The following PLPPR5 variants were observed in gnomAD, a reference collection of about 807,000 sequenced individuals.
PLPPR5 encodes phospholipid phosphatase related 5, also known as phospholipid phosphatase-related protein type 5.
In PLPPR5, 16 loss-of-function variants were observed where a neutral mutation model predicts 33.9. The observed-to-expected ratio is 0.47, with a 90% CI of 0.32 to 0.72. The LOEUF (loss-of-function observed/expected upper bound fraction) is 0.72. Among genes scored for constraint, PLPPR5 ranks in the 30% least tolerant of loss-of-function variants. The probability of loss-of-function intolerance (pLI) is 0.03; values close to 1 mark genes in which losing one functional copy is unlikely to be tolerated. For missense variants in PLPPR5, 301 were observed against 406.7 expected, an observed-to-expected ratio of 0.74 and a Z score of 2.23; for synonymous variants, 163 against 150.3, an observed-to-expected ratio of 1.08 and a Z score of -0.62.
At chr1:98,927,088 A>G (rs1649797459) in intron 3 of PLPPR5, among the ~76,000 whole-genome samples, 1 of 152,202 alleles carries the variant, frequency 6.6e-6, no homozygotes, top group Non-Finnish European at 1.5e-5. Context: ...TAATGGTGGT[A>G]CAATAAGCAG....
chr1:98,913,165 TG>T lies in PLPPR5; in HGVS notation c.933+1620del, dbSNP rs1185597986. On this transcript the variant is annotated intron_variant, in intron 5 of 5. Transcript: ENST00000263177. ...CATACAAGAGCCCTTCAGATTCTTATGGGAAGCTATTGCTTCTTTCATGAGT... is the reference window on the plus strand; with the variant it reads ...CATACAAGAGCCCTTCAGATTCTTATGGAAGCTATTGCTTCTTTCATGAGT... 3.9e-5 allele frequency among the ~76,000 whole-genome samples: 6 copies of T among 152,224 alleles called. No individual in the cohort carries two copies. The East Asian group carries it at 9.6e-4, about 24-fold the overall frequency.
chr1:98,997,655 G>GA (rs929033199), intron 1 of PLPPR5, among the ~76,000 whole-genome samples: 91 of 152,106 alleles, frequency 6.0e-4, no homozygotes, highest in African/African-American at 2.1e-3. Flanking sequence ...GGAAAATCAG[G>GA]AAAAAAAGTA....
chr1:98,936,006 A>G (rs970812109), intron 3 of PLPPR5, among the ~76,000 whole-genome samples: 2 of 152,176 alleles, frequency 1.3e-5, no homozygotes, highest in African/African-American at 4.8e-5. Context: ...AATGGAATGA[A>G]GTAGTTCTGA....
intron 1 of PLPPR5, among the ~76,000 whole-genome samples, chr1:98,998,357 T>A (rs186800684): frequency 6.6e-6 from 1 of 152,292 alleles, no homozygotes; most frequent in East Asian, 1.9e-4. Flanking sequence ...CTTATAGCAC[T>A]GTAGTAGTGT....
intron 1 of PLPPR5, among the ~76,000 whole-genome samples, chr1:98,972,368 G>T (rs988441375): frequency 1.4e-4 from 21 of 152,054 alleles, no homozygotes; most frequent in African/African-American, 5.1e-4. Flanking sequence ...AACACAGTTT[G>T]CTGGCCAGCA....
intron 5 of PLPPR5, among the ~76,000 whole-genome samples, chr1:98,908,399 G>A (rs1307160462): frequency 6.6e-6 from 1 of 152,114 alleles, no homozygotes; most frequent in Admixed American, 6.6e-5. Context: ...TAATATAGGA[G>A]TGTAAAAGTA....
chr1:98,922,170 A>T (rs1570699825), intron 3 of PLPPR5, 112 bp from the exon 4 acceptor site: 1 of 924,336 alleles, frequency 1.1e-6, no homozygotes. Context: ...CGCCTGTATG[A>T]TTCAAATCAT....
At chr1:98,912,362 C>T (rs1366404400) in intron 5 of PLPPR5, among the ~76,000 whole-genome samples, 2 of 152,194 alleles carry the variant, frequency 1.3e-5, no homozygotes, top group African/African-American at 4.8e-5. Context: ...AAGTAGTTCA[C>T]TTCTTTCTCA....
intron 2 of PLPPR5, among the ~76,000 whole-genome samples, chr1:98,955,707 C>A (rs1650980415): frequency 2.0e-5 from 3 of 152,110 alleles, no homozygotes; most frequent in African/African-American, 7.2e-5. Context: ...AGTCTTCATC[C>A]TGAATCCTTC....
At position 98,892,811 on chromosome 1, in the gene PLPPR5, G is replaced by A. The variant is rs1648323984; in HGVS notation, c.*261C>T. On this transcript the variant is annotated 3_prime_UTR_variant, in exon 6 of 6. Coordinates refer to ENST00000263177, the MANE Select transcript of PLPPR5 (RefSeq NM_001037317.2). ...TTTATTTAAGAATTTTGTTCATTTG[G>A]TCATCACATTTTTGTTGAACACCTA... 2.9e-6 allele frequency: 1 copy of A among 347,794 alleles called. No homozygotes were observed. The highest frequency in any genetic ancestry group is 5.1e-6 in the Non-Finnish European group (1 of 194,388). The allele number at this position is 347,794 out of a possible 1,614,324, so 21.5% of individuals were successfully genotyped here.
At chr1:98,911,336 C>T (rs985682553) in intron 5 of PLPPR5, among the ~76,000 whole-genome samples, 2 of 152,106 alleles carry the variant, frequency 1.3e-5, no homozygotes, top group Non-Finnish European at 2.9e-5. Flanking sequence ...GAAAACAGAG[C>T]ACATAAATTT....
chr1:98,963,963 C>T (rs754692459), intron 1 of PLPPR5, among the ~76,000 whole-genome samples: 1 of 152,162 alleles, frequency 6.6e-6, no homozygotes, highest in Non-Finnish European at 1.5e-5. Context: ...GTCTTCTTTG[C>T]ATATCCTTGG....
chr1:98,898,087 C>T (rs913152012), intron 5 of PLPPR5, among the ~76,000 whole-genome samples: 6 of 152,076 alleles, frequency 3.9e-5, no homozygotes, highest in African/African-American at 1.4e-4. Flanking sequence ...AAGTTTAAAA[C>T]CCAACAAAAT....
At chr1:98,975,126 C>A (rs1232265409) in intron 1 of PLPPR5, among the ~76,000 whole-genome samples, 1 of 152,002 alleles carries the variant, frequency 6.6e-6, no homozygotes, top group Non-Finnish European at 1.5e-5. Context: ...GTTGCAGGAC[C>A]AGATGCCCAG....
chr1:98,909,768 C>T (rs1649051680), intron 5 of PLPPR5, among the ~76,000 whole-genome samples: 1 of 152,082 alleles, frequency 6.6e-6, no homozygotes, highest in Non-Finnish European at 1.5e-5. Context: ...ATTCACTGCT[C>T]ATATATATTT....
chr1:98,957,539 C>G (rs939501121), intron 1 of PLPPR5, among the ~76,000 whole-genome samples: 1 of 151,874 alleles, frequency 6.6e-6, no homozygotes, highest in Admixed American at 6.6e-5. Context: ...ACAGAATTCA[C>G]AACAGATTCT....
At chr1:98,959,978 C>G (rs897900533) in intron 1 of PLPPR5, among the ~76,000 whole-genome samples, 2 of 152,058 alleles carry the variant, frequency 1.3e-5, no homozygotes, top group African/African-American at 4.8e-5. Context: ...TCTCTGGATA[C>G]TGTATTCTGT....
At chr1:98,959,998 T>C (rs1445355231) in intron 1 of PLPPR5, among the ~76,000 whole-genome samples, 1 of 152,044 alleles carries the variant, frequency 6.6e-6, no homozygotes, top group Non-Finnish European at 1.5e-5. Flanking sequence ...TCCACCTACT[T>C]GGACTTCATC....
intron 3 of PLPPR5, among the ~76,000 whole-genome samples, chr1:98,934,219 G>T (rs1180580835): frequency 1.3e-5 from 2 of 152,118 alleles, no homozygotes; most frequent in African/African-American, 4.8e-5. Context: ...AGCTTGGGTG[G>T]CAATAGGACA....
Sources: allele counts gnomAD v4.1 joint callset (sites outside exome capture counted in the v4.1 genomes callset), GRCh38; gene constraint gnomAD v4.1.1; transcripts MANE v1.5; gene names NCBI Gene and HGNC (gene_info 2026-07-23, HGNC 2026-07-21).